The following DENND1B variants were observed in gnomAD, a reference collection of about 807,000 sequenced individuals.
DENND1B encodes the protein DENN domain-containing protein 1B.
In DENND1B, 59 loss-of-function variants were observed where a neutral mutation model predicts 90.1. The ratio of observed to expected loss-of-function variants is 0.65; its 90% CI spans 0.53 to 0.81. The LOEUF (loss-of-function observed/expected upper bound fraction) is 0.81. Ranked by LOEUF, DENND1B falls within the 40% of genes least tolerant of loss-of-function variation. The pLI is 0.00. For missense variants in DENND1B, 862 were observed against 912.6 expected, an observed-to-expected ratio of 0.94 and a Z score of 0.71; for synonymous variants, 337 against 324.6, an observed-to-expected ratio of 1.04 and a Z score of -0.41.
intron 4 of DENND1B, among the ~76,000 whole-genome samples, chr1:197,672,806 G>A (rs1461905467): frequency 2.0e-5 from 3 of 152,000 alleles, no homozygotes; most frequent in Non-Finnish European, 4.4e-5. Context: ...CAACTTTGAA[G>A]TATCATACTA....
At chr1:197,625,927 G>T (rs984711825) in intron 10 of DENND1B, among the ~76,000 whole-genome samples, 1 of 152,064 alleles carries the variant, frequency 6.6e-6, no homozygotes, top group African/African-American at 2.4e-5. Flanking sequence ...GACAAAGAGG[G>T]CCATTACATA....
At chr1:197,781,190 G>A in the DENND1B span, among the ~76,000 whole-genome samples, 15 of 151,934 alleles carry the variant, frequency 9.9e-5, no homozygotes, top group African/African-American at 3.1e-4. Flanking sequence ...AAATTAACTC[G>A]ACTAGACTCA....
intron 2 of DENND1B, chr1:197,735,743 C>G: frequency 6.2e-7 from 1 of 1,612,454 alleles, no homozygotes; most frequent in Non-Finnish European, 8.5e-7. Context: ...ATGCAAAATG[C>G]GAATCGGCGT....
At chr1:197,587,872 C>A (rs989357009) in intron 14 of DENND1B, among the ~76,000 whole-genome samples, 1 of 151,994 alleles carries the variant, frequency 6.6e-6, no homozygotes, top group Non-Finnish European at 1.5e-5. Context: ...ACTAGATGGT[C>A]TTATCTGGGG....
intron 15 of DENND1B, among the ~76,000 whole-genome samples, chr1:197,561,914 C>T (rs1642829053): frequency 2.0e-5 from 3 of 151,862 alleles, no homozygotes; most frequent in East Asian, 1.9e-4. Flanking sequence ...AACAGTTCCA[C>T]ACTGCCATCA....
At chr1:197,525,071 C>T (rs1374467863) in intron 20 of DENND1B, among the ~76,000 whole-genome samples, 2 of 152,122 alleles carry the variant, frequency 1.3e-5, no homozygotes, top group Non-Finnish European at 2.9e-5. Flanking sequence ...AAGACTGTCT[C>T]TCACTGAAGT....
Position 197,512,889 on chromosome 1 carries a change from T to C in DENND1B, c.1580A>G (p.Asp527Gly), listed in dbSNP as rs1244138977. Residue 527 changes from aspartate (D) to glycine (G), a missense_variant, in exon 21 of 23, where the codon GAC becomes GGC. Coordinates refer to ENST00000620048, the MANE Select transcript of DENND1B (RefSeq NM_001195215.2). ...TACTTACTTGCTTGCTCTTTCAATG[T>C]CATCATCATCTTCATCATCATATAG... ...GALYDDEDDD[D>G]IERASKLSSE... 6.5e-5 allele frequency: 104 copies of C among 1,610,540 alleles called. No homozygotes were observed. Among genetic ancestry groups the C allele is most frequent in the Non-Finnish European group, 8.6e-5 (101 of 1,177,988 alleles).
intron 9 of DENND1B, among the ~76,000 whole-genome samples, chr1:197,645,083 A>G (rs1054230345): frequency 1.3e-5 from 2 of 152,114 alleles, no homozygotes; most frequent in African/African-American, 4.8e-5. Context: ...AACTATTAAA[A>G]TACTGAAAAT....
intron 10 of DENND1B, among the ~76,000 whole-genome samples, chr1:197,619,304 G>A (rs74134857): frequency 0.034 from 5,119 of 151,212 alleles, 282 homozygotes; most frequent in African/African-American, 0.12. Flanking sequence ...AGAGGGAAAT[G>A]AAAATGGGGT....
At chr1:197,588,313 G>T (rs1674891526) in intron 14 of DENND1B, among the ~76,000 whole-genome samples, 1 of 152,110 alleles carries the variant, frequency 6.6e-6, no homozygotes, top group Non-Finnish European at 1.5e-5. Flanking sequence ...GTGTTTGTTT[G>T]TTTTAAGAAT....
intron 20 of DENND1B, among the ~76,000 whole-genome samples, chr1:197,523,826 G>A (rs1668946934): frequency 6.6e-6 from 1 of 152,122 alleles, no homozygotes; most frequent in Admixed American, 6.6e-5. Flanking sequence ...TGTAAATGCT[G>A]TTTAACTCTT....
chr1:197,561,878 G>A (rs1185820230), intron 15 of DENND1B, among the ~76,000 whole-genome samples: 1 of 151,618 alleles, frequency 6.6e-6, no homozygotes, highest in Non-Finnish European at 1.5e-5. Flanking sequence ...CCCATATTCT[G>A]ACCAAATCTC....
At chr1:197,695,628 T>C (rs1398046933) in intron 3 of DENND1B, among the ~76,000 whole-genome samples, 1 of 150,970 alleles carries the variant, frequency 6.6e-6, no homozygotes, top group East Asian at 1.9e-4. Context: ...AAAAATTGGT[T>C]CAAGACATTT....
At position 197,506,927 on chromosome 1, in the gene DENND1B, A is replaced by G. The variant is rs1026509732; in HGVS notation, c.*3533T>C. 6.6e-6 allele frequency: 1 copy of G among 151,408 alleles called. No individual in the cohort carries two copies. The highest frequency in any genetic ancestry group is 2.4e-5 in the African/African-American group (1 of 41,356). 9.4% of individuals were successfully genotyped at this position (151,408 alleles called of 1,614,324 possible). On this transcript the variant is annotated 3_prime_UTR_variant, in exon 23 of 23. Coordinates refer to ENST00000620048, the MANE Select transcript of DENND1B (RefSeq NM_001195215.2). ...CAGCCTGGTTATCTGATAATAAGATAAAGACACTCAGTTTCTAAAAGAGTC... is the reference window on the plus strand; with the variant it reads ...CAGCCTGGTTATCTGATAATAAGATGAAGACACTCAGTTTCTAAAAGAGTC...
Position 197,508,230 on chromosome 1 carries a change from C to T in DENND1B, c.*2230G>A, listed in dbSNP as rs1667817028. On this transcript the variant is annotated 3_prime_UTR_variant, in exon 23 of 23. Transcript: ENST00000620048. ...TCATTTCAAAATTCATATTAAAATG[C>T]TGATTTGCATTCTTTTCACAAATTA... is the stretch of plus-strand genomic sequence containing the variant. 1 of 151,542 alleles carries T rather than the reference C, an allele frequency of 6.6e-6. No homozygotes were observed. The highest frequency in any genetic ancestry group is 2.4e-5 in the African/African-American group (1 of 41,330). The allele number at this position is 151,542 out of a possible 1,614,324, so 9.4% of individuals were successfully genotyped here.
chr1:197,669,615 A>G (rs971087146), intron 5 of DENND1B, among the ~76,000 whole-genome samples: 2 of 152,066 alleles, frequency 1.3e-5, no homozygotes, highest in African/African-American at 4.8e-5. Flanking sequence ...CTTTCAGAAA[A>G]AATATTAAGA....
chr1:197,638,735 G>C (rs2125912004), intron 10 of DENND1B, among the ~76,000 whole-genome samples: 1 of 152,282 alleles, frequency 6.6e-6, no homozygotes, highest in East Asian at 1.9e-4. Flanking sequence ...AGTCTACCAA[G>C]ATTCGCTTGG....
chr1:197,642,677 T>C (rs772004756), intron 10 of DENND1B, 34 bp downstream of exon 10: 1 of 1,501,392 alleles, frequency 6.7e-7, no homozygotes, highest in South Asian at 1.2e-5. Flanking sequence ...AAACACTCAA[T>C]ACCTGCTACT....
intron 10 of DENND1B, among the ~76,000 whole-genome samples, chr1:197,623,071 T>C (rs1026796956): frequency 6.6e-6 from 1 of 151,312 alleles, no homozygotes; most frequent in Admixed American, 6.6e-5. Context: ...ATCACCTATC[T>C]AGATTGTGCC....
Sources: allele counts gnomAD v4.1 joint callset (sites outside exome capture counted in the v4.1 genomes callset), GRCh38; gene constraint gnomAD v4.1.1; transcripts MANE v1.5; gene names NCBI Gene and HGNC (gene_info 2026-07-23, HGNC 2026-07-21).